Variants in ZC3H11A observed in about 807,000 individuals in gnomAD.
ZC3H11A encodes the protein zinc finger CCCH domain-containing protein 11A.
Under a neutral mutation model 90.8 loss-of-function variants are expected in ZC3H11A, and 22 were observed. The ratio of observed to expected loss-of-function variants is 0.24; its 90% confidence interval spans 0.17 to 0.35. The LOEUF (loss-of-function observed/expected upper bound fraction) is 0.35, where lower values mean the gene tolerates loss of function less well. Ranked by LOEUF, ZC3H11A falls within the 10% of genes least tolerant of loss-of-function variation. The pLI is 1.00. For synonymous variants in ZC3H11A, 294 were observed against 339.8 expected, an observed-to-expected ratio of 0.87 and a Z score of 1.48; for missense variants, 701 against 964.9, an observed-to-expected ratio of 0.73 and a Z score of 3.62.
chr1:203,812,436 C>G (rs894589133), intron 2 of ZC3H11A, among the ~76,000 whole-genome samples: 4 of 152,078 alleles, frequency 2.6e-5, no homozygotes, highest in African/African-American at 9.7e-5. Flanking sequence ...CCATTCATGT[C>G]CCTGCAAAGG....
intron 16 of ZC3H11A, 138 bp downstream of exon 16, chr1:203,850,819 G>A (rs1205678376): frequency 1.6e-6 from 2 of 1,285,016 alleles, no homozygotes; most frequent in East Asian, 5.0e-5. Context: ...GGTTACTACT[G>A]TATTTTATAC....
intron 3 of ZC3H11A, among the ~76,000 whole-genome samples, chr1:203,817,584 C>A (rs905547412): frequency 6.6e-6 from 1 of 152,006 alleles, no homozygotes; most frequent in African/African-American, 2.4e-5. Context: ...AGTCATCATA[C>A]TAAATATGCT....
intron 12 of ZC3H11A, among the ~76,000 whole-genome samples, chr1:203,842,696 G>A (rs1008683470): frequency 6.7e-6 from 1 of 149,994 alleles, no homozygotes; most frequent in African/African-American, 2.4e-5. Context: ...GCATATGTAT[G>A]AGATTATTCT....
Position 203,840,492 on chromosome 1 carries a change from C to G in ZC3H11A, c.1042+118C>G, listed in dbSNP as rs1051366978. ...TTTTGATTTTTGTTCTTTTGTAGTT[C>G]TGTTTGTTTTTTAAGTAATTGATCA... On this transcript the variant is annotated intron_variant, in intron 12 of 17. Transcript: ENST00000367210. 1.9e-4 allele frequency: 194 copies of G among 1,020,224 alleles called. 2 individuals carry two copies. In the South Asian group the frequency reaches 2.7e-3, roughly 14 times the overall value. The allele number at this position is 1,020,224 out of a possible 1,614,324, so 63.2% of individuals were successfully genotyped here.
At chr1:203,803,485 C>T (rs902031242) in intron 2 of ZC3H11A, among the ~76,000 whole-genome samples, 1 of 152,242 alleles carries the variant, frequency 6.6e-6, no homozygotes, top group Non-Finnish European at 1.5e-5. Flanking sequence ...GCCACCGCCT[C>T]TGGCCCATAG....
chr1:203,849,690 G>C, intron 14 of ZC3H11A, 21 bp from the exon 15 acceptor site: 1 of 1,611,152 alleles, frequency 6.2e-7, no homozygotes, highest in Non-Finnish European at 8.5e-7. Context: ...TTTTAATTCT[G>C]TCATTCAAAT....
rs58563038 is a variant in ZC3H11A at position 203,826,321 on chromosome 1, T to C, written c.175-1978T>C. ...CAGTAGCCTATACTTTTAAAAAATA[T>C]TATACTTTTAGAAAATATCAATAAT... On this transcript the variant is annotated intron_variant, in intron 4 of 17. Transcript: ENST00000367210. Among the ~76,000 whole-genome samples, 799 of 151,568 alleles carry C rather than the reference T, an allele frequency of 5.3e-3. 7 individuals carry two copies. Among genetic ancestry groups the C allele is most frequent in the African/African-American group, 0.019 (769 of 41,450 alleles).
Position 203,829,708 on chromosome 1 carries a change from A to G in ZC3H11A, c.502+54A>G, listed in dbSNP as rs919722863. The G allele has an allele frequency of 5.4e-5, 87 of 1,612,392 alleles. 1 individual carries two copies. Among genetic ancestry groups the G allele is most frequent in the Non-Finnish European group, 7.0e-5 (83 of 1,178,520 alleles). ...GCAAATAAATAGGGTCTCATAGTGA[A>G]TTGGGCAGAATCAGGATTAAAGCTA... On this transcript the variant is annotated intron_variant, in intron 6 of 17. Coordinates refer to ENST00000367210, the MANE Select transcript of ZC3H11A (RefSeq NM_001376342.1).
At position 203,829,883 on chromosome 1, in the gene ZC3H11A, C is replaced by G; in HGVS notation, c.606C>G (p.Val202=). Residue 202 remains valine, a synonymous_variant, in exon 7 of 18, where the codon GTC becomes GTG. Coordinates refer to ENST00000367210, the MANE Select transcript of ZC3H11A (RefSeq NM_001376342.1). The stretch of plus-strand genomic sequence containing the variant: ...TGACTTCTGTCCGGAAACCTGCAGT[C>G]AATATAAAGCAAGGTAAGAAGAGGC... ...LRVTSVRKPA[V]NIKQGECLNF... is the part of the protein sequence containing the mutation. The G allele has an allele frequency of 6.2e-7, 1 of 1,613,646 alleles. No homozygotes were observed. Among genetic ancestry groups the G allele is most frequent in the Non-Finnish European group, 8.5e-7 (1 of 1,179,610 alleles).
intron 1 of ZC3H11A, chr1:203,799,513 C>T (rs780635891): frequency 5.7e-6 from 4 of 703,008 alleles, no homozygotes; most frequent in South Asian, 4.4e-5. Flanking sequence ...CATTGCTACT[C>T]AGTTCACCAT....
chr1:203,830,435 C>A (rs1295438903), intron 8 of ZC3H11A, among the ~76,000 whole-genome samples: 1 of 152,160 alleles, frequency 6.6e-6, no homozygotes, highest in African/African-American at 2.4e-5. Flanking sequence ...ACTTGTATAT[C>A]TTGAAAAATA....
At chr1:203,807,287 T>A (rs1032065608) in intron 2 of ZC3H11A, among the ~76,000 whole-genome samples, 2 of 152,154 alleles carry the variant, frequency 1.3e-5, no homozygotes, top group African/African-American at 4.8e-5. Context: ...TTTTTAAAAT[T>A]TTTATTTATT....
At chr1:203,819,215 T>G (rs80028186) in intron 4 of ZC3H11A, among the ~76,000 whole-genome samples, 2 of 121,766 alleles carry the variant, frequency 1.6e-5, no homozygotes, top group Non-Finnish European at 4.0e-5. Flanking sequence ...AATTTTTTTT[T>G]CTTTCTTTTT....
chr1:203,835,496 C>G (rs1684021915), intron 10 of ZC3H11A: 2 of 157,262 alleles, frequency 1.3e-5, no homozygotes, highest in East Asian at 3.4e-4. Context: ...AATAACAGTT[C>G]TAGATTTTAA....
intron 12 of ZC3H11A, among the ~76,000 whole-genome samples, chr1:203,843,638 ATGAC>A (rs1687094644): frequency 6.6e-6 from 1 of 152,214 alleles, no homozygotes; most frequent in Admixed American, 6.5e-5. Flanking sequence ...ATGTAAATGA[ATGAC>A]TGCTGGTGTG....
At chr1:203,841,193 GT>G (rs1202271830) in intron 12 of ZC3H11A, among the ~76,000 whole-genome samples, 3 of 145,094 alleles carry the variant, frequency 2.1e-5, no homozygotes, top group Middle Eastern at 3.4e-3. Context: ...ATTCTTGGGT[GT>G]TTCTCGGAGA....
rs1384930632 is a variant in ZC3H11A at position 203,833,317 on chromosome 1, A to G, written c.812-474A>G. Among the ~76,000 whole-genome samples, 4 of 148,110 alleles carry G rather than the reference A, an allele frequency of 2.7e-5. No individual in the cohort carries two copies. In the South Asian group the frequency reaches 6.5e-4, roughly 24 times the overall value. ...GAGGTGGAGGTTGCAGTGAGCCGAG[A>G]TCGGGCCACTGCACTCTAGCCTGGG... On this transcript the variant is annotated intron_variant, in intron 9 of 17. Transcript: ENST00000367210.
chr1:203,832,522 G>A (rs12239405), intron 9 of ZC3H11A, among the ~76,000 whole-genome samples: 73,355 of 151,754 alleles, frequency 0.48, 18,269 homozygotes, highest in Non-Finnish European at 0.53. Context: ...CACCACGCCT[G>A]GCTAATTTTT....
chr1:203,817,876 C>T (rs919280678), intron 3 of ZC3H11A, among the ~76,000 whole-genome samples: 1 of 151,944 alleles, frequency 6.6e-6, no homozygotes, highest in Non-Finnish European at 1.5e-5. Flanking sequence ...CCTCAGCCTC[C>T]CAAGTAGCTG....
Sources: gnomAD v4.1 joint callset for allele counts (sites outside exome capture counted in the v4.1 genomes callset) on GRCh38, gnomAD v4.1.1 for gene constraint, MANE v1.5 for transcripts, NCBI Gene and HGNC (gene_info 2026-07-23, HGNC 2026-07-21) for gene names.